MAP3K5: variants seen among roughly 807,000 people sequenced by gnomAD.
MAP3K5 encodes the protein mitogen-activated protein kinase kinase kinase 5, also known as ASK-1.
In MAP3K5, 56 loss-of-function variants were observed where a neutral mutation model predicts 158.7. The observed-to-expected ratio is 0.35, with a 90% CI of 0.28 to 0.44. MAP3K5 has a LOEUF of 0.44. Among genes scored for constraint, MAP3K5 ranks in the 20% least tolerant of loss-of-function variants. The pLI, the probability that MAP3K5 is intolerant of heterozygous loss-of-function variation, is 1.00. For missense variants in MAP3K5, 1,294 were observed against 1,674.8 expected (o/e 0.77, Z 3.97); for synonymous variants, 579 against 601.7 (o/e 0.96, Z 0.55).
Position 136,737,035 on chromosome 6 carries a change from G to GCATATATATATATA in MAP3K5, c.449-16447_449-16446insTATATATATATATG, listed in dbSNP as rs1554308004. Among the ~76,000 whole-genome samples the GCATATATATATATA allele has an allele frequency of 2.4e-4, 28 of 118,712 alleles. No individual in the cohort carries two copies. The East Asian group carries it at 5.9e-3, about 25-fold the overall frequency. The allele number at this position is 118,712 out of a possible 152,430, so 77.9% of individuals were successfully genotyped here. A position where few individuals can be genotyped will look rare whatever the true frequency, so the allele number is the denominator to read the frequency against. The stretch of plus-strand genomic sequence containing the variant: ...ATTAATTTTACATATATATATGTGT[G>GCATATATATATATA]TGTATATATATATATATATATAAAC... On this transcript the variant is annotated intron_variant, in intron 1 of 29. Coordinates refer to ENST00000359015, the MANE Select transcript of MAP3K5 (RefSeq NM_005923.4).
At chr6:136,749,001 G>A (rs533251281) in intron 1 of MAP3K5, among the ~76,000 whole-genome samples, 79 of 152,286 alleles carry the variant, frequency 5.2e-4, no homozygotes, top group African/African-American at 1.9e-3. Context: ...GAACAAGAAA[G>A]AAAATTATAT....
At chr6:136,746,112 T>C (rs950990379) in intron 1 of MAP3K5, among the ~76,000 whole-genome samples, 1 of 152,194 alleles carries the variant, frequency 6.6e-6, no homozygotes, top group Non-Finnish European at 1.5e-5. Context: ...GAGTGTCAGA[T>C]ACTTCAAATG....
chr6:136,567,691 G>A lies in MAP3K5; in HGVS notation c.3701C>T (p.Ser1234Phe). ...ATTCAGTGACCGGTGAGCACTCTGG[G>A]AATCATGAGACACAGTAGAACTGAG... ...STLSSTVSHD[S>F]QSAHRSLNVQ... is the part of the protein sequence containing the mutation. The change falls in exon 26 of 30, where the codon TCC (serine) becomes TTC (phenylalanine). Residue 1234 changes from serine (S) to phenylalanine (F), a missense_variant. Ser to Phe is a radical substitution (Grantham distance 155). This residue lies in a region of MAP3K5 where 199 missense variants were observed against 220.3 expected (regional missense o/e 0.90). Coordinates refer to ENST00000359015, the MANE Select transcript of MAP3K5 (RefSeq NM_005923.4). 3 of 1,614,130 alleles carry A rather than the reference G, an allele frequency of 1.9e-6. No homozygotes were observed. The highest frequency in any genetic ancestry group is 2.5e-6 in the Non-Finnish European group (3 of 1,180,012).
At chr6:136,708,520 C>T (rs1201183622) in intron 2 of MAP3K5, among the ~76,000 whole-genome samples, 2 of 151,926 alleles carry the variant, frequency 1.3e-5, no homozygotes, top group African/African-American at 2.4e-5. Context: ...CCTCCCAAAG[C>T]GCTAGGATTA....
chr6:136,771,803 C>CT, intron 1 of MAP3K5, among the ~76,000 whole-genome samples: 1 of 152,358 alleles, frequency 6.6e-6, no homozygotes, highest in East Asian at 1.9e-4. Context: ...GCAGCTCTAT[C>CT]TCAACAACCC....
intron 15 of MAP3K5, among the ~76,000 whole-genome samples, chr6:136,622,610 A>G (rs890429637): frequency 1.3e-5 from 2 of 152,020 alleles, no homozygotes; most frequent in African/African-American, 2.4e-5. Context: ...ATCCAAGACA[A>G]CCTGAGCCTA....
intron 7 of MAP3K5, among the ~76,000 whole-genome samples, chr6:136,688,246 A>C (rs1226693971): frequency 1.3e-5 from 2 of 152,150 alleles, no homozygotes; most frequent in East Asian, 3.9e-4. Context: ...AGGGAGGGGA[A>C]CATCACACAC....
At chr6:136,577,358 T>C (rs2129073869) in intron 25 of MAP3K5, among the ~76,000 whole-genome samples, 1 of 152,348 alleles carries the variant, frequency 6.6e-6, no homozygotes, top group Middle Eastern at 3.4e-3. Flanking sequence ...TATGGACTTA[T>C]CTTATCCTGA....
intron 5 of MAP3K5, among the ~76,000 whole-genome samples, chr6:136,696,776 A>G (rs988565459): frequency 5.3e-5 from 8 of 152,222 alleles, no homozygotes; most frequent in African/African-American, 1.9e-4. Context: ...GTAATCAATT[A>G]CATATTTTTT....
At position 136,757,579 on chromosome 6, in the gene MAP3K5, A is replaced by ATTTATTTTTTTT. The variant is rs1562679137; in HGVS notation, c.448+34130_448+34131insAAAAAAAATAAA. On this transcript the variant is annotated intron_variant, in intron 1 of 29. Transcript: ENST00000359015. ...ACTCATTTTATAGATTTATTTATTTATTTTTTATTTTTTTTTTTTTTTTTT... is the reference window on the plus strand; with the variant it reads ...ACTCATTTTATAGATTTATTTATTTATTTATTTTTTTTTTTTTTATTTTTTTTTTTTTTTTTT... Among the ~76,000 whole-genome samples, 6 of 112,002 alleles carry ATTTATTTTTTTT rather than the reference A, an allele frequency of 5.4e-5. 1 individual carries two copies. The highest frequency in any genetic ancestry group is 3.0e-4 in the East Asian group (1 of 3,378). 73.5% of individuals were successfully genotyped at this position (112,002 alleles called of 152,430 possible). A position where few individuals can be genotyped will look rare whatever the true frequency, so the allele number is the denominator to read the frequency against.
At chr6:136,743,550 G>A (rs938977339) in intron 1 of MAP3K5, among the ~76,000 whole-genome samples, 3 of 152,232 alleles carry the variant, frequency 2.0e-5, no homozygotes, top group African/African-American at 4.8e-5. Context: ...CAGTAAGGAT[G>A]TGGAACCACA....
At chr6:136,583,480 CAG>C (rs1218101436) in intron 24 of MAP3K5, 73 bp downstream of exon 24, 1 of 1,324,832 alleles carries the variant, frequency 7.5e-7, no homozygotes, top group Non-Finnish European at 1.0e-6. Context: ...AGAAAAATAA[CAG>C]AACTTATGTT....
At chr6:136,711,747 T>C (rs762188123) in intron 2 of MAP3K5, among the ~76,000 whole-genome samples, 1 of 152,046 alleles carries the variant, frequency 6.6e-6, no homozygotes, top group Non-Finnish European at 1.5e-5. Flanking sequence ...ATCTAACTTG[T>C]CTGTCTCGTT....
intron 1 of MAP3K5, among the ~76,000 whole-genome samples, chr6:136,742,829 A>C (rs1028804926): frequency 2.6e-5 from 4 of 152,276 alleles, no homozygotes; most frequent in Non-Finnish European, 5.9e-5. Flanking sequence ...ATGAGATTAA[A>C]AAATGGGCCA....
rs143776847 is a variant in MAP3K5, at chr6:136,782,597, T to C, written c.448+9113A>G. Among the ~76,000 whole-genome samples, 269 of 152,326 alleles carry C rather than the reference T, an allele frequency of 1.8e-3. 1 individual carries two copies. Among genetic ancestry groups the C allele is most frequent in the African/African-American group, 5.9e-3 (247 of 41,566 alleles). On this transcript the variant is annotated intron_variant, in intron 1 of 29. Transcript: ENST00000359015. The stretch of plus-strand genomic sequence containing the variant: ...TGTATGAATCATATACCAAAGGCAA[T>C]TGCTTTCCTCATTGTTGATGAACTA...
In MAP3K5 at chr6:136,557,601, T is replaced by G; in HGVS notation, c.*157A>C. 1.8e-6 allele frequency: 1 copy of G among 564,108 alleles called. No homozygotes were observed. 34.9% of individuals were successfully genotyped at this position (564,108 alleles called of 1,614,324 possible). ...AATAGATGTAGTTAGGAAATTTCAG[T>G]GTGTTTTGTCTGTTTTTTTTTTTTT... On this transcript the variant is annotated 3_prime_UTR_variant, in exon 30 of 30. Transcript: ENST00000359015.
chr6:136,664,999 C>A (rs969686909), intron 8 of MAP3K5, among the ~76,000 whole-genome samples: 4 of 152,068 alleles, frequency 2.6e-5, no homozygotes, highest in African/African-American at 9.7e-5. Flanking sequence ...ATAATAAAGT[C>A]CTAAGGGCAC....
chr6:136,685,315 T>G (rs1434207335), intron 7 of MAP3K5, among the ~76,000 whole-genome samples: 1 of 152,030 alleles, frequency 6.6e-6, no homozygotes, highest in Non-Finnish European at 1.5e-5. Context: ...AAGATCCTGC[T>G]CTAAAACAAT....
intron 24 of MAP3K5, among the ~76,000 whole-genome samples, chr6:136,581,801 G>C (rs1208780968): frequency 4.6e-5 from 7 of 152,186 alleles, no homozygotes; most frequent in Non-Finnish European, 1.0e-4. Flanking sequence ...TTACATACTG[G>C]CTGGACATGG....
Sources: allele counts gnomAD v4.1 joint callset (sites outside exome capture counted in the v4.1 genomes callset), GRCh38; gene constraint gnomAD v4.1.1; regional missense constraint gnomAD v4.1.1; transcripts MANE v1.5; gene names NCBI Gene and HGNC (gene_info 2026-07-23, HGNC 2026-07-21).